Variants in MAD2L2 observed in about 807,000 individuals in gnomAD.
MAD2L2 encodes the protein mitotic spindle assembly checkpoint protein MAD2B.
In MAD2L2, 17 loss-of-function variants were observed where a neutral mutation model predicts 30.5. The observed-to-expected ratio is 0.56, with a 90% confidence interval of 0.38 to 0.84. The LOEUF (loss-of-function observed/expected upper bound fraction) is 0.84. Ranked by LOEUF, MAD2L2 falls within the 40% of genes least tolerant of loss-of-function variation. MAD2L2 has a pLI of 0.00. For missense variants in MAD2L2, 213 were observed against 277.4 expected (o/e 0.77, Z 1.65); for synonymous variants, 101 against 113.9 (o/e 0.89, Z 0.72).
intron 1 of MAD2L2, among the ~76,000 whole-genome samples, chr1:11,686,807 TAAAAAAAA>T (rs560855200): frequency 1.9e-5 from 2 of 104,490 alleles, no homozygotes; most frequent in Admixed American, 2.1e-4. Flanking sequence ...ACTGCCACTT[TAAAAAAAA>T]AAAAAAAAAA....
chr1:11,675,218 T>C, intron 7 of MAD2L2, 44 bp from the exon 8 acceptor site: 1 of 1,362,520 alleles, frequency 7.3e-7, no homozygotes, highest in Non-Finnish European at 1.0e-6. Flanking sequence ...GGCTGGGCCC[T>C]GGCCTGCCCT....
At position 11,688,502 on chromosome 1, in the gene MAD2L2, A is replaced by G. The variant is rs1334865486; in HGVS notation, c.-692+2911T>C. Among the ~76,000 whole-genome samples, 2 of 152,126 alleles carry G rather than the reference A, an allele frequency of 1.3e-5. No homozygotes were observed. Among genetic ancestry groups the G allele is most frequent in the Non-Finnish European group, 1.5e-5 (1 of 68,022 alleles). Reference sequence around the variant, plus strand: ...CTTGAACTTGGGAGGCAGAGGTTGCAGTGAGCCAAGATCGCGCCACTGCAC... The same window carrying G: ...CTTGAACTTGGGAGGCAGAGGTTGCGGTGAGCCAAGATCGCGCCACTGCAC... On this transcript the variant is annotated intron_variant, in intron 1 of 10. Transcript: ENST00000235310. The surrounding 1 kb of genome is among the most constrained non-coding windows in gnomAD (Gnocchi z 4.6).
chr1:11,676,659 G>C, intron 5 of MAD2L2, 189 bp downstream of exon 5: 1 of 614,578 alleles, frequency 1.6e-6, no homozygotes, highest in South Asian at 2.0e-5. Flanking sequence ...GGTGACCCTG[G>C]GTAGCTCATG....
In MAD2L2 at chr1:11,674,657, G is replaced by A. The variant is rs1323034172; in HGVS notation, c.*118C>T. Reference sequence around the variant, plus strand: ...TGAGCGGCCCCGGGCTGGGGCGGGCGATCCACACACAGAGGCGATAAGAGC... The same window carrying A: ...TGAGCGGCCCCGGGCTGGGGCGGGCAATCCACACACAGAGGCGATAAGAGC... On this transcript the variant is annotated 3_prime_UTR_variant, in exon 9 of 9. Transcript: ENST00000376692. The surrounding 1 kb of genome is among the most constrained non-coding windows in gnomAD (Gnocchi z 6.1). The A allele has an allele frequency of 1.5e-5, 17 of 1,116,408 alleles. No individual in the cohort carries two copies. Among genetic ancestry groups the A allele is most frequent in the Admixed American group, 5.5e-5 (3 of 54,410 alleles). The allele number at this position is 1,116,408 out of a possible 1,614,324, so 69.2% of individuals were successfully genotyped here.
intron 1 of MAD2L2, 103 bp downstream of exon 1, chr1:11,680,936 C>CA (rs1640865424): frequency 3.0e-6 from 1 of 333,838 alleles, no homozygotes; most frequent in Non-Finnish European, 4.8e-6. Flanking sequence ...GAGCGCAAAG[C>CA]GGGACATGCG....
At chr1:11,675,328 C>T (rs1400416188) in intron 7 of MAD2L2, among the ~76,000 whole-genome samples, 154 bp from the exon 8 acceptor site, 2 of 152,148 alleles carry the variant, frequency 1.3e-5, no homozygotes, top group Non-Finnish European at 2.9e-5. Context: ...CCGCCCCCAT[C>T]CCCCACAGAG....
chr1:11,681,336 G>A (rs1229954529), upstream of MAD2L2: 1 of 152,246 alleles, frequency 6.6e-6, no homozygotes, highest in African/African-American at 2.4e-5. Flanking sequence ...TCAACTTCGG[G>A]TGGGCGCGAA....
upstream of MAD2L2, among the ~76,000 whole-genome samples, chr1:11,683,505 T>C (rs760583667): frequency 1.2e-4 from 17 of 147,054 alleles, no homozygotes; most frequent in Non-Finnish European, 2.5e-4. Context: ...TATTGGACTT[T>C]GGGGACTCGG....
Position 11,681,126 on chromosome 1 carries a change from C to A in MAD2L2, c.-100G>T, listed in dbSNP as rs1640870466. 1.3e-5 allele frequency: 2 copies of A among 152,404 alleles called. No individual in the cohort carries two copies. Among genetic ancestry groups the A allele is most frequent in the Admixed American group, 1.3e-4 (2 of 15,292 alleles). 9.4% of individuals were successfully genotyped at this position (152,404 alleles called of 1,614,324 possible). On this transcript the variant is annotated 5_prime_UTR_variant, in exon 1 of 9. Coordinates refer to ENST00000376692, the MANE Select transcript of MAD2L2 (RefSeq NM_006341.4). Reference sequence around the variant, plus strand: ...GGACCGATCGCGCCTCCCGCTCAACCCGGGGCCTCGGCGCCGCTCGGTGAC... The same window carrying A: ...GGACCGATCGCGCCTCCCGCTCAACACGGGGCCTCGGCGCCGCTCGGTGAC...
At position 11,688,887 on chromosome 1, in the gene MAD2L2, G is replaced by C. The variant is rs149469552; in HGVS notation, c.-692+2526C>G. The stretch of plus-strand genomic sequence containing the variant: ...GGAAGCCTGTCAAAACCCACCAAAA[G>C]CAAGATGGCCACGAGACCAACCTCT... On this transcript the variant is annotated intron_variant, in intron 1 of 10. Coordinates refer to the MAD2L2 transcript ENST00000235310. This position sits in a 1 kb window ranked among gnomAD's most constrained non-coding sequence, Gnocchi z 4.6. Among the ~76,000 whole-genome samples the C allele has an allele frequency of 3.3e-5, 5 of 152,276 alleles. No individual in the cohort carries two copies. In the East Asian group the frequency reaches 9.6e-4, roughly 29 times the overall value.
chr1:11,677,277 C>A (rs1230698123), intron 4 of MAD2L2: 3 of 596,142 alleles, frequency 5.0e-6, no homozygotes, highest in Non-Finnish European at 8.9e-6. Context: ...TGAGAAGAAC[C>A]CCGAACCCTC....
At position 11,690,862 on chromosome 1, in the gene MAD2L2, G is replaced by A. The variant is rs1641048831; in HGVS notation, c.-692+551C>T. 2.6e-5 allele frequency among the ~76,000 whole-genome samples: 4 copies of A among 152,312 alleles called. No individual in the cohort carries two copies. The South Asian group carries it at 8.3e-4, about 32-fold the overall frequency. ...CGGCCCCAGCGCTGGCTTTGTCCGG[G>A]TTGGGCCGGTCTGAGAAGCTTCAGG... On this transcript the variant is annotated intron_variant, in intron 1 of 10. Coordinates refer to the MAD2L2 transcript ENST00000235310. This position sits in a 1 kb window ranked among gnomAD's most constrained non-coding sequence, Gnocchi z 4.2.
intron 5 of MAD2L2, among the ~76,000 whole-genome samples, chr1:11,676,531 A>G (rs193048089): frequency 1.6e-4 from 25 of 152,306 alleles, no homozygotes; most frequent in Admixed American, 1.2e-3. Flanking sequence ...TGACCTCACC[A>G]TTGGAAGCAT....
chr1:11,680,607 C>T lies in MAD2L2; in HGVS notation c.-6G>A, dbSNP rs746084531. 6.4e-7 allele frequency: 1 copy of T among 1,563,288 alleles called. No individual in the cohort carries two copies. The highest frequency in any genetic ancestry group is 1.8e-5 in the Admixed American group (1 of 54,402). ...TGTCGTGTGAGCGTGGTCATCCTTC[C>T]CGCTACCTGAGTGTTGGGGCAAGGG... On this transcript the variant is annotated 5_prime_UTR_variant, in exon 2 of 9. Transcript: ENST00000376692.
intron 1 of MAD2L2, 121 bp from the exon 2 acceptor site, chr1:11,680,734 G>T: frequency 7.0e-7 from 1 of 1,435,698 alleles, no homozygotes; most frequent in Non-Finnish European, 9.1e-7. Context: ...CTCCCGCTTC[G>T]CACAGGCTCA....
At position 11,690,344 on chromosome 1, in the gene MAD2L2, T is replaced by G. The variant is rs1442941670; in HGVS notation, c.-692+1069A>C. On this transcript the variant is annotated intron_variant, in intron 1 of 10. Transcript: ENST00000235310. The surrounding 1 kb of genome is among the most constrained non-coding windows in gnomAD (Gnocchi z 4.2). Reference sequence around the variant, plus strand: ...CAGTGTTCTCATCAATCCATCCTGGTGCCCACCAAGCTAATAATATCACGG... The same window carrying G: ...CAGTGTTCTCATCAATCCATCCTGGGGCCCACCAAGCTAATAATATCACGG... 6.6e-6 allele frequency among the ~76,000 whole-genome samples: 1 copy of G among 152,182 alleles called. No homozygotes were observed.
chr1:11,674,821 C>G lies in MAD2L2; in HGVS notation c.595-5G>C, dbSNP rs373556198. The G allele has an allele frequency of 1.9e-6, 3 of 1,613,658 alleles. No homozygotes were observed. The African/African-American group carries it at 4.0e-5, about 22-fold the overall frequency. ...CTCTTCCACGTAAAGCTGCATCTGA[C>G]GGACACAAGCAAACAGCCACAGTCA... On this transcript the variant is annotated splice_polypyrimidine_tract_variant and splice_region_variant and intron_variant, in intron 8 of 8. Transcript: ENST00000376692. The surrounding 1 kb of genome is among the most constrained non-coding windows in gnomAD (Gnocchi z 6.1).
chr1:11,686,466 G>T (rs895044310), intron 1 of MAD2L2, among the ~76,000 whole-genome samples: 1 of 152,068 alleles, frequency 6.6e-6, no homozygotes, highest in Admixed American at 6.6e-5. Context: ...ACAGGGTCTC[G>T]CTGTGTTACC....
rs895414134 is a variant in MAD2L2 at position 11,674,592 on chromosome 1, C to T, written c.*183G>A. 2.0e-5 allele frequency: 12 copies of T among 610,040 alleles called. No individual in the cohort carries two copies. Among genetic ancestry groups the T allele is most frequent in the African/African-American group, 1.5e-4 (8 of 53,766 alleles). 37.8% of individuals were successfully genotyped at this position (610,040 alleles called of 1,614,324 possible). On this transcript the variant is annotated 3_prime_UTR_variant, in exon 9 of 9. Transcript: ENST00000376692. The surrounding 1 kb of genome is among the most constrained non-coding windows in gnomAD (Gnocchi z 6.1). ...GCTGAGAAGTCGAGGTTGCGGCATC[C>T]CTCACTGCCCTCCTGGGGGAGGCAT... is the stretch of plus-strand genomic sequence containing the variant.
Sources: allele counts gnomAD v4.1 joint callset (sites outside exome capture counted in the v4.1 genomes callset), GRCh38; gene constraint gnomAD v4.1.1; non-coding constraint Gnocchi (gnomAD v3.1); transcripts MANE v1.5; gene names NCBI Gene and HGNC (gene_info 2026-07-23, HGNC 2026-07-21).